The following ZNF345 variants were observed in gnomAD, a reference collection of about 807,000 sequenced individuals.
ZNF345 encodes zinc finger protein 345.
For synonymous variants in ZNF345, 166 were observed against 187.9 expected, an observed-to-expected ratio of 0.88 and a Z score of 0.95; for missense variants, 527 against 589.9, an observed-to-expected ratio of 0.89 and a Z score of 1.10.
chr19:36,855,389 C>G (rs564625295), intron 2 of ZNF345, among the ~76,000 whole-genome samples: 1 of 150,186 alleles, frequency 6.7e-6, no homozygotes, highest in South Asian at 2.1e-4. Context: ...ACCTCATGAT[C>G]TGCCCGCCTC....
At chr19:36,860,334 A>C (rs1320173190) in intron 2 of ZNF345, among the ~76,000 whole-genome samples, 1 of 152,176 alleles carries the variant, frequency 6.6e-6, no homozygotes, top group African/African-American at 2.4e-5. Flanking sequence ...AGTTATTAAA[A>C]TTTTAACATT....
chr19:36,855,187 G>C (rs1328119730), intron 2 of ZNF345, among the ~76,000 whole-genome samples: 1 of 143,370 alleles, frequency 7.0e-6, no homozygotes, highest in Non-Finnish European at 1.5e-5. Flanking sequence ...CAGTCACCCA[G>C]GTTGGAGTGC....
At chr19:36,860,941 T>G (rs562135) in intron 2 of ZNF345, among the ~76,000 whole-genome samples, 6,161 of 148,034 alleles carry the variant, frequency 0.042, 396 homozygotes, top group African/African-American at 0.14. Context: ...AATGGGAGGG[T>G]TTTTTTTTTG....
chr19:36,892,141 C>T (rs970447971), intron 3 of ZNF345: 2 of 1,614,058 alleles, frequency 1.2e-6, no homozygotes, highest in South Asian at 1.1e-5. Context: ...AGCCTTGCCA[C>T]ATTCCTTACA....
chr19:36,880,265 A>G (rs2072960570), downstream of ZNF345, among the ~76,000 whole-genome samples: 1 of 152,112 alleles, frequency 6.6e-6, no homozygotes, highest in Non-Finnish European at 1.5e-5. Context: ...CAGTGAACCA[A>G]GATTGCACCA....
At chr19:36,866,574 C>T (rs1234646675) in intron 2 of ZNF345, among the ~76,000 whole-genome samples, 2 of 151,960 alleles carry the variant, frequency 1.3e-5, no homozygotes, top group Non-Finnish European at 2.9e-5. Context: ...TTTTTTGAGA[C>T]AGTCTCACTC....
Position 36,870,240 on chromosome 19 carries a change from C to T in ZNF345, c.-46-6545C>T, listed in dbSNP as rs558482970. 5.3e-4 allele frequency among the ~76,000 whole-genome samples: 80 copies of T among 152,264 alleles called. No individual in the cohort carries two copies. In the Middle Eastern group the frequency reaches 0.031, roughly 58 times the overall value. ...GCTGTGAATCACGCTTATATTTTTA[C>T]GCAACTTTGTTTTCCATTTAATTAC... is the stretch of plus-strand genomic sequence containing the variant. On this transcript the variant is annotated intron_variant, in intron 2 of 2. Transcript: ENST00000420450.
At chr19:36,871,891 C>G (rs1422470176) in intron 2 of ZNF345, among the ~76,000 whole-genome samples, 3 of 152,094 alleles carry the variant, frequency 2.0e-5, no homozygotes, top group African/African-American at 7.2e-5. Flanking sequence ...CCTCAGCCTC[C>G]CTAGTAGCTG....
chr19:36,854,248 T>C (rs1028469971), intron 2 of ZNF345, among the ~76,000 whole-genome samples: 2 of 151,666 alleles, frequency 1.3e-5, no homozygotes, highest in Non-Finnish European at 2.9e-5. Flanking sequence ...TTTTTTTTTT[T>C]TTATTGAGCA....
intron 3 of ZNF345, chr19:36,891,563 A>C: frequency 6.2e-7 from 1 of 1,611,086 alleles, no homozygotes; most frequent in Non-Finnish European, 8.5e-7. Context: ...CATTCCTTAC[A>C]GTCATAGGGT....
chr19:36,867,870 A>G (rs1410219628), intron 2 of ZNF345, among the ~76,000 whole-genome samples: 1 of 152,090 alleles, frequency 6.6e-6, no homozygotes, highest in Non-Finnish European at 1.5e-5. Context: ...AGTCCTATTG[A>G]TTACTGTAGC....
downstream of ZNF345, among the ~76,000 whole-genome samples, chr19:36,881,468 A>AT (rs1471001926): frequency 2.0e-5 from 3 of 152,200 alleles, no homozygotes; most frequent in Admixed American, 2.0e-4. Context: ...TATAAGGGAT[A>AT]TAAAGCAAAA....
At chr19:36,868,121 G>A (rs566257830) in intron 2 of ZNF345, among the ~76,000 whole-genome samples, 7 of 151,274 alleles carry the variant, frequency 4.6e-5, no homozygotes, top group African/African-American at 1.5e-4. Flanking sequence ...TCCTGCCTCA[G>A]GCTCCCGAGT....
At chr19:36,852,128 C>CTTTTTTTTTTTTTTT (rs35747733) in intron 2 of ZNF345, among the ~76,000 whole-genome samples, 1 of 102,704 alleles carries the variant, frequency 9.7e-6, no homozygotes, top group Non-Finnish European at 1.9e-5. Context: ...TTCTTTCTTT[C>CTTTTTTTTTTTTTTT]TTTTTTTTTT....
intron 2 of ZNF345, among the ~76,000 whole-genome samples, chr19:36,870,560 G>A (rs1600708460): frequency 6.6e-6 from 1 of 152,146 alleles, no homozygotes; most frequent in Admixed American, 6.5e-5. Context: ...ATTAAATTTT[G>A]TGAGTTCTGG....
intron 2 of ZNF345, among the ~76,000 whole-genome samples, chr19:36,876,258 T>C (rs923346730): frequency 2.2e-4 from 34 of 152,238 alleles, no homozygotes; most frequent in African/African-American, 8.0e-4. Flanking sequence ...AACTGCTCTT[T>C]GTGGATTATC....
chr19:36,884,393 A>G (rs1364179292), downstream of ZNF345, among the ~76,000 whole-genome samples: 1 of 152,162 alleles, frequency 6.6e-6, no homozygotes, highest in Non-Finnish European at 1.5e-5. Flanking sequence ...AAGGATACAA[A>G]TTACAACTAG....
chr19:36,889,321 G>T (rs917850900), intron 3 of ZNF345: 1 of 152,120 alleles, frequency 6.6e-6, no homozygotes, highest in African/African-American at 2.4e-5. Flanking sequence ...GAATGAGTTA[G>T]GGAGGATTCC....
intron 2 of ZNF345, among the ~76,000 whole-genome samples, chr19:36,852,447 C>T (rs1285017906): frequency 6.6e-6 from 1 of 152,000 alleles, no homozygotes; most frequent in Non-Finnish European, 1.5e-5. Flanking sequence ...CCCGTCTCTA[C>T]TAAAAACACA....
Sources: gnomAD v4.1 joint callset for allele counts (sites outside exome capture counted in the v4.1 genomes callset) on GRCh38, gnomAD v4.1.1 for gene constraint, MANE v1.5 for transcripts, NCBI Gene and HGNC (gene_info 2026-07-23, HGNC 2026-07-21) for gene names.